Variants in ALOX5AP observed in about 807,000 individuals in gnomAD.
The protein encoded by ALOX5AP is arachidonate 5-lipoxygenase-activating protein.
ALOX5AP carries 9 observed loss-of-function variants against 18.5 expected under a neutral mutation model. The ratio of observed to expected loss-of-function variants is 0.49; its 90% CI spans 0.29 to 0.85. The LOEUF is 0.85. ALOX5AP is among the 40% of genes least tolerant of loss of function. ALOX5AP has a pLI of 0.08. For synonymous variants in ALOX5AP, 81 were observed against 78.6 expected, an observed-to-expected ratio of 1.03 and a Z score of -0.16; for missense variants, 172 against 202.5, an observed-to-expected ratio of 0.85 and a Z score of 0.91.
rs1951924561 is a variant in ALOX5AP at position 30,759,609 on chromosome 13, T to A, written c.323+3584T>A. 3.3e-5 allele frequency among the ~76,000 whole-genome samples: 5 copies of A among 152,168 alleles called. No homozygotes were observed. The South Asian group carries it at 1.0e-3, about 32-fold the overall frequency. ...TTACCAAAATAATCATAGACCTAGTTCTCAAAAAGCAAGAAGACTGATTCC... is the reference window on the plus strand; with the variant it reads ...TTACCAAAATAATCATAGACCTAGTACTCAAAAAGCAAGAAGACTGATTCC... On this transcript the variant is annotated intron_variant, in intron 4 of 4. Coordinates refer to ENST00000380490, the MANE Select transcript of ALOX5AP (RefSeq NM_001629.4).
chr13:30,722,215 G>C (rs765539692), intron 1 of ALOX5AP, among the ~76,000 whole-genome samples: 1 of 152,162 alleles, frequency 6.6e-6, no homozygotes, highest in Non-Finnish European at 1.5e-5. Flanking sequence ...AAAATGCGGT[G>C]CAGATGGCAG....
In ALOX5AP at chr13:30,759,975, G is replaced by A. The variant is rs1003193424; in HGVS notation, c.323+3950G>A. ...TTAGGTGATTCTTACACACACTGGA[G>A]TTTGGGAATCGCTGAAGGCTGTTCA... On this transcript the variant is annotated intron_variant, in intron 4 of 4. Transcript: ENST00000380490. Among the ~76,000 whole-genome samples the A allele has an allele frequency of 5.3e-5, 8 of 152,328 alleles. No individual in the cohort carries two copies. The East Asian group carries it at 1.5e-3, about 29-fold the overall frequency.
At chr13:30,715,429 T>TG (rs1370116957) in intron 1 of ALOX5AP, among the ~76,000 whole-genome samples, 1 of 152,182 alleles carries the variant, frequency 6.6e-6, no homozygotes, top group Non-Finnish European at 1.5e-5. Context: ...GTGAAGGTGG[T>TG]GAGTGCCTTC....
chr13:30,729,186 G>T (rs1566080612), intron 1 of ALOX5AP, among the ~76,000 whole-genome samples: 1 of 151,422 alleles, frequency 6.6e-6, no homozygotes, highest in South Asian at 2.1e-4. Context: ...CATGCTTTTT[G>T]TGTTATCTAA....
intron 1 of ALOX5AP, among the ~76,000 whole-genome samples, chr13:30,729,081 A>G (rs917407710): frequency 6.6e-6 from 1 of 152,156 alleles, no homozygotes; most frequent in African/African-American, 2.4e-5. Flanking sequence ...CTATATGTAT[A>G]TCTTCTTTAG....
intron 1 of ALOX5AP, among the ~76,000 whole-genome samples, chr13:30,741,879 C>T (rs1206277719): frequency 5.5e-5 from 8 of 144,992 alleles, no homozygotes; most frequent in African/African-American, 2.1e-4. Context: ...TGGTTGACTC[C>T]AGGAATGCAG....
At chr13:30,714,560 AAG>A (rs1273519465) in intron 1 of ALOX5AP, among the ~76,000 whole-genome samples, 1 of 86,008 alleles carries the variant, frequency 1.2e-5, no homozygotes, top group Admixed American at 1.6e-4. Flanking sequence ...GGCCGCTGGC[AAG>A]AGAGCTTGGT....
upstream of ALOX5AP, among the ~76,000 whole-genome samples, chr13:30,735,235 C>A (rs1015330833): frequency 6.6e-6 from 1 of 152,068 alleles, no homozygotes; most frequent in African/African-American, 2.4e-5. Context: ...ATGATGGCAG[C>A]TTCCAGATTC....
At chr13:30,738,479 C>T (rs1210501998) in intron 1 of ALOX5AP, among the ~76,000 whole-genome samples, 1 of 152,198 alleles carries the variant, frequency 6.6e-6, no homozygotes, top group African/African-American at 2.4e-5. Flanking sequence ...TATTGCAAGG[C>T]TGGCCAGCAA....
rs189135958 is a variant in ALOX5AP at position 30,757,872 on chromosome 13, T to C, written c.323+1847T>C. Among the ~76,000 whole-genome samples, 83 of 152,338 alleles carry C rather than the reference T, an allele frequency of 5.4e-4. 1 individual carries two copies. The highest frequency in any genetic ancestry group is 3.4e-3 in the Middle Eastern group (1 of 294). On this transcript the variant is annotated intron_variant, in intron 4 of 4. Transcript: ENST00000380490. ...CAAGAAATCTTTAAAATAGTAGATT[T>C]CTTCGGACCTCATTGAAATATAAAT... is the stretch of plus-strand genomic sequence containing the variant.
At chr13:30,759,919 G>T (rs906075835) in intron 4 of ALOX5AP, among the ~76,000 whole-genome samples, 1 of 152,220 alleles carries the variant, frequency 6.6e-6, no homozygotes, top group Non-Finnish European at 1.5e-5. Flanking sequence ...TGCATTCTCA[G>T]ATGATTCTGC....
chr13:30,714,950 T>A (rs559177220), intron 1 of ALOX5AP, among the ~76,000 whole-genome samples: 1 of 152,272 alleles, frequency 6.6e-6, no homozygotes, highest in East Asian at 1.9e-4. Context: ...TGAGAATCTA[T>A]CCCTTGGCTT....
chr13:30,759,612 C>A (rs1427767644), intron 4 of ALOX5AP, among the ~76,000 whole-genome samples: 1 of 152,194 alleles, frequency 6.6e-6, no homozygotes, highest in Non-Finnish European at 1.5e-5. Flanking sequence ...ACCTAGTTCT[C>A]AAAAAGCAAG....
At chr13:30,726,412 A>G (rs1478326188) in intron 1 of ALOX5AP, among the ~76,000 whole-genome samples, 1 of 152,226 alleles carries the variant, frequency 6.6e-6, no homozygotes, top group Non-Finnish European at 1.5e-5. Flanking sequence ...TGAAGATTTG[A>G]GTCACCAGGC....
At chr13:30,734,977 A>G (rs1014968596), upstream of ALOX5AP, among the ~76,000 whole-genome samples, 1 of 152,078 alleles carries the variant, frequency 6.6e-6, no homozygotes, top group Non-Finnish European at 1.5e-5. Context: ...GGTGTTCTAT[A>G]CATTTTTTTA....
chr13:30,757,579 A>C (rs1366366483), intron 4 of ALOX5AP, among the ~76,000 whole-genome samples: 1 of 152,142 alleles, frequency 6.6e-6, no homozygotes, highest in Non-Finnish European at 1.5e-5. Context: ...CAATGAAATA[A>C]GAGGGTCTTC....
chr13:30,715,440 T>C (rs1253738971), intron 1 of ALOX5AP, among the ~76,000 whole-genome samples: 1 of 152,228 alleles, frequency 6.6e-6, no homozygotes, highest in Non-Finnish European at 1.5e-5. Flanking sequence ...GAGTGCCTTC[T>C]GGGGCCCTGG....
At chr13:30,763,468 T>C (rs1260401275) in intron 4 of ALOX5AP, among the ~76,000 whole-genome samples, 3 of 152,248 alleles carry the variant, frequency 2.0e-5, no homozygotes, top group Admixed American at 2.0e-4. Flanking sequence ...AGCCCTCAGA[T>C]GCCGAAGCAC....
At position 30,759,313 on chromosome 13, in the gene ALOX5AP, A is replaced by G. The variant is rs553580598; in HGVS notation, c.323+3288A>G. Among the ~76,000 whole-genome samples, 6 of 152,238 alleles carry G rather than the reference A, an allele frequency of 3.9e-5. No homozygotes were observed. In the South Asian group the frequency reaches 6.2e-4, roughly 16 times the overall value. ...GGCTCCTACTGATCCTCTTGGCAAT[A>G]TGAAGTTCTCAGCTCAATGGTGGGT... On this transcript the variant is annotated intron_variant, in intron 4 of 4. Coordinates refer to ENST00000380490, the MANE Select transcript of ALOX5AP (RefSeq NM_001629.4).
Sources: gnomAD v4.1 joint callset for allele counts (sites outside exome capture counted in the v4.1 genomes callset) on GRCh38, gnomAD v4.1.1 for gene constraint, MANE v1.5 for transcripts, NCBI Gene and HGNC (gene_info 2026-07-23, HGNC 2026-07-21) for gene names.